The following MAGI2 variants were observed in gnomAD, a reference collection of about 807,000 sequenced individuals.
MAGI2 encodes membrane-associated guanylate kinase, WW and PDZ domain-containing protein 2.
In MAGI2, 35 loss-of-function variants were observed where a neutral mutation model predicts 133.3. The ratio of observed to expected loss-of-function variants is 0.26; its 90% CI spans 0.20 to 0.35. The LOEUF (loss-of-function observed/expected upper bound fraction) is 0.35, where lower values mean the gene tolerates loss of function less well. Ranked by LOEUF, MAGI2 falls within the 10% of genes least tolerant of loss-of-function variation. The pLI is 1.00. For missense variants in MAGI2, 1,636 were observed against 1,863.4 expected, an observed-to-expected ratio of 0.88 and a Z score of 2.25; for synonymous variants, 729 against 710.6, an observed-to-expected ratio of 1.03 and a Z score of -0.41.
At chr7:78,696,954 C>T (rs576821053) in intron 2 of MAGI2, among the ~76,000 whole-genome samples, 4 of 149,626 alleles carry the variant, frequency 2.7e-5, no homozygotes, top group Non-Finnish European at 6.0e-5. Context: ...TACCACACTG[C>T]AATCAAAATG....
At chr7:78,602,693 G>A (rs949020688) in intron 3 of MAGI2, among the ~76,000 whole-genome samples, 5 of 152,062 alleles carry the variant, frequency 3.3e-5, no homozygotes, top group Admixed American at 6.6e-5. Flanking sequence ...CATTCGCAAA[G>A]AGCCATGTAT....
intron 1 of MAGI2, among the ~76,000 whole-genome samples, chr7:79,112,074 C>T (rs10236424): frequency 0.027 from 4,059 of 151,956 alleles, 89 homozygotes; most frequent in Admixed American, 0.067. Flanking sequence ...TACACAACAC[C>T]GAGAGGTATA....
At chr7:78,765,225 G>C (rs930788667) in intron 2 of MAGI2, among the ~76,000 whole-genome samples, 2 of 151,890 alleles carry the variant, frequency 1.3e-5, no homozygotes, top group Non-Finnish European at 2.9e-5. Flanking sequence ...AGCCAACCCA[G>C]TGAAGAGAAT....
rs150408591 is a variant in MAGI2 at position 79,244,853 on chromosome 7, C to T, written c.301+208167G>A. ...CTTACAGCTCTGGGACAGACTCCTT[C>T]CTTTCACTTGAGGAGTGGGGAGAGT... On this transcript the variant is annotated intron_variant, in intron 1 of 21. Transcript: ENST00000354212. Among the ~76,000 whole-genome samples, 62 of 152,278 alleles carry T rather than the reference C, an allele frequency of 4.1e-4. 1 individual carries two copies. Among genetic ancestry groups the T allele is most frequent in the African/African-American group, 1.4e-3 (57 of 41,568 alleles).
At chr7:79,307,631 A>G (rs1463171106) in intron 1 of MAGI2, among the ~76,000 whole-genome samples, 1 of 152,210 alleles carries the variant, frequency 6.6e-6, no homozygotes, top group East Asian at 1.9e-4. Context: ...TAACGAGGAT[A>G]TGATATAATC....
chr7:79,125,424 T>C (rs980265323), intron 1 of MAGI2: 6 of 494,828 alleles, frequency 1.2e-5, no homozygotes, highest in Non-Finnish European at 2.0e-5. Context: ...TTGATGGGGA[T>C]AGCTATAATG....
chr7:78,446,063 T>C (rs865843144), intron 6 of MAGI2, among the ~76,000 whole-genome samples: 1 of 149,766 alleles, frequency 6.7e-6, no homozygotes, highest in Middle Eastern at 3.4e-3. Context: ...TGTAATTTCG[T>C]CTTTAAAATC....
At chr7:78,783,012 C>CT (rs11432048) in intron 2 of MAGI2, among the ~76,000 whole-genome samples, 9,206 of 95,924 alleles carry the variant, frequency 0.096, 463 homozygotes, top group Admixed American at 0.13. Context: ...TGATTCTTAC[C>CT]TTTTTTTTTT....
chr7:78,746,086 C>T (rs532281841), intron 2 of MAGI2, among the ~76,000 whole-genome samples: 11 of 152,250 alleles, frequency 7.2e-5, no homozygotes, highest in Admixed American at 3.3e-4. Flanking sequence ...TCAGATCTGT[C>T]GAAACAATTC....
At chr7:78,571,272 TATC>T (rs1351653022) in intron 3 of MAGI2, among the ~76,000 whole-genome samples, 2 of 152,200 alleles carry the variant, frequency 1.3e-5, no homozygotes, top group African/African-American at 4.8e-5. Flanking sequence ...ATCTCATTCT[TATC>T]ATTAAGAAAA....
intron 1 of MAGI2, among the ~76,000 whole-genome samples, chr7:79,293,570 C>G (rs749808976): frequency 1.2e-4 from 18 of 152,150 alleles, no homozygotes; most frequent in Non-Finnish European, 1.8e-4. Flanking sequence ...TGTCTGGCAC[C>G]TATGTGTTAG....
chr7:78,588,327 T>A (rs1803632395), intron 3 of MAGI2, among the ~76,000 whole-genome samples: 1 of 152,202 alleles, frequency 6.6e-6, no homozygotes, highest in South Asian at 2.1e-4. Context: ...TGTGTATGTG[T>A]ATGGGTTCTC....
intron 1 of MAGI2, among the ~76,000 whole-genome samples, chr7:79,108,092 G>A (rs1818592205): frequency 6.6e-6 from 1 of 152,162 alleles, no homozygotes; most frequent in South Asian, 2.1e-4. Flanking sequence ...GAGTGTTTAG[G>A]GAAGGATGTG....
intron 1 of MAGI2, among the ~76,000 whole-genome samples, chr7:79,082,529 A>T (rs557426148): frequency 2.0e-5 from 3 of 152,200 alleles, no homozygotes; most frequent in Admixed American, 6.6e-5. Context: ...TCAATTGACC[A>T]CATGTGTATG....
intron 3 of MAGI2, among the ~76,000 whole-genome samples, chr7:78,606,637 G>A (rs927243497): frequency 1.3e-5 from 2 of 151,576 alleles, no homozygotes; most frequent in African/African-American, 4.8e-5. Context: ...TTTACCTCTG[G>A]TTTCTCTTTT....
At chr7:78,455,031 C>T (rs951638961) in intron 6 of MAGI2, among the ~76,000 whole-genome samples, 3 of 152,108 alleles carry the variant, frequency 2.0e-5, no homozygotes, top group Non-Finnish European at 4.4e-5. Context: ...AACTGTACAA[C>T]ACAAACAGGG....
chr7:78,348,499 A>C (rs1435828471), intron 7 of MAGI2: 1 of 152,052 alleles, frequency 6.6e-6, no homozygotes, highest in African/African-American at 2.4e-5. Context: ...TGTTTTTCCT[A>C]TCTCTCCTGT....
intron 9 of MAGI2, among the ~76,000 whole-genome samples, chr7:78,340,036 T>A (rs1029678317): frequency 6.6e-6 from 1 of 152,194 alleles, no homozygotes. Context: ...TGTTTCTCTA[T>A]ACACAAACCA....
chr7:79,359,128 A>G (rs962417281), intron 1 of MAGI2, among the ~76,000 whole-genome samples: 11 of 152,334 alleles, frequency 7.2e-5, no homozygotes, highest in African/African-American at 2.6e-4. Flanking sequence ...AAATGAAAAC[A>G]TTAAAAAATC....
Sources: allele counts gnomAD v4.1 joint callset (sites outside exome capture counted in the v4.1 genomes callset), GRCh38; gene constraint gnomAD v4.1.1; transcripts MANE v1.5; gene names NCBI Gene and HGNC (gene_info 2026-07-23, HGNC 2026-07-21).